RHOA: variants seen among roughly 807,000 people sequenced by gnomAD.
RHOA encodes the protein transforming protein RhoA.
Under a neutral mutation model 17.5 loss-of-function variants are expected in RHOA, and 3 were observed. That is an observed-to-expected ratio of 0.17 (90% CI 0.08 to 0.44). The LOEUF is 0.44. Among genes scored for constraint, RHOA ranks in the 20% least tolerant of loss-of-function variants. RHOA has a pLI of 0.99. For synonymous variants in RHOA, 98 were observed against 88.4 expected (o/e 1.11, Z -0.61); for missense variants, 56 against 242.3 (o/e 0.23, Z 5.10).
intron 2 of RHOA, among the ~76,000 whole-genome samples, chr3:49,372,463 G>A (rs1199262018): frequency 2.0e-5 from 3 of 152,070 alleles, no homozygotes; most frequent in Admixed American, 6.6e-5. Context: ...ACTATAGGAC[G>A]GGCGCAGTGG....
chr3:49,400,520 T>C (rs926912491), intron 1 of RHOA, among the ~76,000 whole-genome samples: 1 of 152,122 alleles, frequency 6.6e-6, no homozygotes, highest in Admixed American at 6.6e-5. Flanking sequence ...TGCTGTTTCA[T>C]GCCTATGTGA....
At chr3:49,408,398 G>A (rs756017840) in intron 1 of RHOA, among the ~76,000 whole-genome samples, 7 of 152,102 alleles carry the variant, frequency 4.6e-5, no homozygotes, top group Non-Finnish European at 7.4e-5. Context: ...TTGCAATTTA[G>A]CAAGAGTATT....
intron 1 of RHOA, among the ~76,000 whole-genome samples, chr3:49,392,193 C>G (rs931239363): frequency 6.6e-6 from 1 of 152,076 alleles, no homozygotes. Context: ...ACAGTGACTC[C>G]CACCTGTAAT....
rs1046149993 is a variant in RHOA, at chr3:49,384,669, C to G, written c.-2-9078G>C. Among the ~76,000 whole-genome samples the G allele has an allele frequency of 2.6e-5, 4 of 152,008 alleles. No homozygotes were observed. In the South Asian group the frequency reaches 8.3e-4, roughly 32 times the overall value. On this transcript the variant is annotated intron_variant, in intron 1 of 4. Coordinates refer to ENST00000418115, the MANE Select transcript of RHOA (RefSeq NM_001664.4). ...GTACAGGCACACACACCACGCCCAG[C>G]TAATTTTTGTGTTTTTTTTGTAAAG...
chr3:49,374,457 G>A (rs1575652732), intron 2 of RHOA, among the ~76,000 whole-genome samples: 2 of 152,114 alleles, frequency 1.3e-5, no homozygotes, highest in South Asian at 2.1e-4. Flanking sequence ...GGTGGCTCAC[G>A]CCTGTAATCC....
chr3:49,371,383 G>C (rs6796147), intron 2 of RHOA, among the ~76,000 whole-genome samples: 111,768 of 151,478 alleles, frequency 0.74, 41,695 homozygotes, highest in East Asian at 0.99. Flanking sequence ...AGGTTCAAGT[G>C]ATTCTCCTGC....
chr3:49,360,181 G>C lies in RHOA; in HGVS notation c.*28C>G. On this transcript the variant is annotated 3_prime_UTR_variant, in exon 5 of 5. Transcript: ENST00000418115. The stretch of plus-strand genomic sequence containing the variant: ...AATAAACAGCACTTCAAAATTAACC[G>C]CATAAGGGCTGTGCTTGCAGCAAGG... 6.3e-7 allele frequency: 1 copy of C among 1,596,982 alleles called. No homozygotes were observed. Among genetic ancestry groups the C allele is most frequent in the Non-Finnish European group, 8.5e-7 (1 of 1,173,492 alleles).
chr3:49,411,610 G>A (rs1255347585), intron 1 of RHOA, among the ~76,000 whole-genome samples: 1 of 151,918 alleles, frequency 6.6e-6, no homozygotes, highest in African/African-American at 2.4e-5. Flanking sequence ...AGACTACCGG[G>A]CGCGCTTCCG....
chr3:49,362,472 A>G lies in RHOA; in HGVS notation c.408+24T>C, dbSNP rs1404611302. The G allele has an allele frequency of 2.5e-6, 4 of 1,592,880 alleles. No individual in the cohort carries two copies. In the South Asian group the frequency reaches 3.4e-5, roughly 14 times the overall value. ...GGGGCCCTAGTTCAAGAATACTACA[A>G]GACAGTCCTGCCCCAGATCATGCCT... On this transcript the variant is annotated intron_variant, in intron 4 of 4. Coordinates refer to ENST00000418115, the MANE Select transcript of RHOA (RefSeq NM_001664.4).
At chr3:49,383,858 C>T (rs889775140) in intron 1 of RHOA, among the ~76,000 whole-genome samples, 1 of 151,910 alleles carries the variant, frequency 6.6e-6, no homozygotes, top group Non-Finnish European at 1.5e-5. Context: ...GGCAAAACCC[C>T]GTCTCTACTG....
At chr3:49,361,913 C>A (rs1439135728) in intron 4 of RHOA, among the ~76,000 whole-genome samples, 1 of 151,196 alleles carries the variant, frequency 6.6e-6, no homozygotes, top group East Asian at 2.0e-4. Context: ...AGAGGCCAGG[C>A]ACAGTGGCTC....
rs529404349 is a variant in RHOA at position 49,375,429 on chromosome 3, C to T, written c.156+5G>A. On this transcript the variant is annotated splice_donor_5th_base_variant and intron_variant, in intron 2 of 4. Coordinates refer to ENST00000418115, the MANE Select transcript of RHOA (RefSeq NM_001664.4). Reference sequence around the variant, plus strand: ...GGCATCAGTTGTTATGAAAAGTATACTCACCTGCTTTCCATCCACCTCGAT... The same window carrying T: ...GGCATCAGTTGTTATGAAAAGTATATTCACCTGCTTTCCATCCACCTCGAT... 6.2e-7 allele frequency: 1 copy of T among 1,606,186 alleles called. No individual in the cohort carries two copies. Among genetic ancestry groups the T allele is most frequent in the South Asian group, 1.1e-5 (1 of 89,590 alleles).
chr3:49,375,353 C>A, intron 2 of RHOA, 81 bp downstream of exon 2: 1 of 1,380,306 alleles, frequency 7.2e-7, no homozygotes, highest in Non-Finnish European at 9.9e-7. Context: ...ACTGAAGAGG[C>A]AAAAAGCTCT....
rs1201701981 is a variant in RHOA, at chr3:49,401,761, T to C, written c.-3+10059A>G. 2.0e-5 allele frequency among the ~76,000 whole-genome samples: 3 copies of C among 152,182 alleles called. No individual in the cohort carries two copies. In the East Asian group the frequency reaches 5.8e-4, roughly 29 times the overall value. On this transcript the variant is annotated intron_variant, in intron 1 of 4. Coordinates refer to ENST00000418115, the MANE Select transcript of RHOA (RefSeq NM_001664.4). ...GAAGTGTTTCAGATTTCAGAATTTCTTCAGATTTTGGAATATCTGCATTAT... is the reference window on the plus strand; with the variant it reads ...GAAGTGTTTCAGATTTCAGAATTTCCTCAGATTTTGGAATATCTGCATTAT...
chr3:49,373,349 A>G, intron 2 of RHOA: 1 of 170,198 alleles, frequency 5.9e-6, no homozygotes. Flanking sequence ...GTCTCTAGAC[A>G]AACAAACAAA....
At chr3:49,390,324 G>A (rs1049763568) in intron 1 of RHOA, among the ~76,000 whole-genome samples, 6 of 150,962 alleles carry the variant, frequency 4.0e-5, no homozygotes, top group African/African-American at 1.5e-4. Context: ...TAGTAGAGAC[G>A]GGGAACATCT....
intron 1 of RHOA, among the ~76,000 whole-genome samples, chr3:49,403,951 A>C (rs1318073204): frequency 1.3e-5 from 2 of 151,612 alleles, no homozygotes; most frequent in Non-Finnish European, 2.9e-5. Context: ...TGCTACTCCC[A>C]CTACCCTCCC....
intron 1 of RHOA, among the ~76,000 whole-genome samples, chr3:49,376,620 G>A (rs1331907269): frequency 6.8e-6 from 1 of 147,870 alleles, no homozygotes; most frequent in African/African-American, 2.5e-5. Context: ...ACCAGCCTGG[G>A]GGACAGAGTA....
chr3:49,402,866 T>C, intron 1 of RHOA, among the ~76,000 whole-genome samples: 1 of 151,868 alleles, frequency 6.6e-6, no homozygotes, highest in South Asian at 2.1e-4. Context: ...CGAAACCCCG[T>C]ATCCACTAAA....
Sources: gnomAD v4.1 joint callset for allele counts (sites outside exome capture counted in the v4.1 genomes callset) on GRCh38, gnomAD v4.1.1 for gene constraint, MANE v1.5 for transcripts, NCBI Gene and HGNC (gene_info 2026-07-23, HGNC 2026-07-21) for gene names.